Variants in CNTNAP2 observed in about 807,000 individuals in gnomAD.
The protein encoded by CNTNAP2 is contactin-associated protein-like 2.
CNTNAP2 carries 98 observed loss-of-function variants against 155.2 expected under a neutral mutation model. That is an observed-to-expected ratio of 0.63 (90% CI 0.54 to 0.75). CNTNAP2 has a LOEUF of 0.75. Ranked by LOEUF, CNTNAP2 falls within the 30% of genes least tolerant of loss-of-function variation. The pLI, the probability that CNTNAP2 is intolerant of heterozygous loss-of-function variation, is 0.00. For missense variants in CNTNAP2, 1,727 were observed against 1,688.1 expected, an observed-to-expected ratio of 1.02 and a Z score of -0.40; for synonymous variants, 651 against 631.2, an observed-to-expected ratio of 1.03 and a Z score of -0.47.
chr7:147,325,322 C>A (rs912672741), intron 9 of CNTNAP2, among the ~76,000 whole-genome samples: 1 of 152,000 alleles, frequency 6.6e-6, no homozygotes, highest in Admixed American at 6.6e-5. Context: ...ACAACAACAA[C>A]AAAAATTAGA....
chr7:148,310,435 C>G (rs910980825), intron 21 of CNTNAP2, among the ~76,000 whole-genome samples: 2 of 152,198 alleles, frequency 1.3e-5, no homozygotes, highest in African/African-American at 4.8e-5. Flanking sequence ...GTCTGTGATG[C>G]TAGCAGAGAA....
chr7:148,256,081 C>T (rs529500852), intron 20 of CNTNAP2, among the ~76,000 whole-genome samples: 3 of 152,176 alleles, frequency 2.0e-5, no homozygotes, highest in South Asian at 2.1e-4. Context: ...CCAAGTCTGC[C>T]GAGATGTTTT....
At chr7:146,660,372 A>G (rs1800066354) in intron 1 of CNTNAP2, among the ~76,000 whole-genome samples, 1 of 152,228 alleles carries the variant, frequency 6.6e-6, no homozygotes, top group Admixed American at 6.5e-5. Context: ...TGGGATAGCA[A>G]AGTCAGAAAG....
chr7:146,249,427 G>A (rs1392866492), intron 1 of CNTNAP2, among the ~76,000 whole-genome samples: 1 of 149,948 alleles, frequency 6.7e-6, no homozygotes, highest in Non-Finnish European at 1.5e-5. Flanking sequence ...TCCTGTAATA[G>A]TAGTCTCAGA....
intron 9 of CNTNAP2, among the ~76,000 whole-genome samples, chr7:147,369,389 A>G (rs826829): frequency 0.29 from 44,389 of 152,094 alleles, 7,181 homozygotes; most frequent in East Asian, 0.67. Context: ...CCATGAACAC[A>G]GTCACCAAAT....
chr7:147,555,309 C>T (rs374431394), intron 11 of CNTNAP2, among the ~76,000 whole-genome samples: 16 of 152,088 alleles, frequency 1.1e-4, no homozygotes, highest in African/African-American at 3.1e-4. Context: ...ACTATATCGC[C>T]GCTATGCCTA....
chr7:147,854,189 T>C (rs1798998295), intron 13 of CNTNAP2, among the ~76,000 whole-genome samples: 1 of 152,150 alleles, frequency 6.6e-6, no homozygotes, highest in Admixed American at 6.6e-5. Flanking sequence ...TGAGGGAAAG[T>C]TGACTATGGG....
chr7:147,615,576 ATAT>A (rs1801274555), intron 12 of CNTNAP2, among the ~76,000 whole-genome samples: 1 of 152,186 alleles, frequency 6.6e-6, no homozygotes, highest in African/African-American at 2.4e-5. Flanking sequence ...TAATTGACAA[ATAT>A]TATTGGCAAA....
intron 12 of CNTNAP2, among the ~76,000 whole-genome samples, chr7:147,602,564 G>A (rs1800971691): frequency 6.7e-6 from 1 of 150,236 alleles, no homozygotes. Context: ...ATGTATACAT[G>A]TGCCATGCTG....
chr7:147,725,298 C>G lies in CNTNAP2; in HGVS notation c.2098+85992C>G, dbSNP rs117110081. Reference sequence around the variant, plus strand: ...TAAAGCAATTGCACTAAAATTCAAGCCAAAGAAGCCATTAAGAACTGATCA... The same window carrying G: ...TAAAGCAATTGCACTAAAATTCAAGGCAAAGAAGCCATTAAGAACTGATCA... On this transcript the variant is annotated intron_variant, in intron 13 of 23. Coordinates refer to ENST00000361727, the MANE Select transcript of CNTNAP2 (RefSeq NM_014141.6). 1.7e-3 allele frequency among the ~76,000 whole-genome samples: 258 copies of G among 151,992 alleles called. 1 individual carries two copies. Among genetic ancestry groups the G allele is most frequent in the Non-Finnish European group, 2.9e-3 (195 of 67,946 alleles).
intron 22 of CNTNAP2, among the ~76,000 whole-genome samples, chr7:148,408,816 C>T (rs913849786): frequency 8.5e-5 from 13 of 152,088 alleles, no homozygotes; most frequent in Admixed American, 7.2e-4. Flanking sequence ...CTGATTCTTA[C>T]GTTTATAATA....
rs1784561976 is a variant in CNTNAP2 at position 147,679,342 on chromosome 7, TA to T, written c.2098+40039del. ...CTAAGGAAATAGTCTGCCAATCATC[TA>T]AATAACACTTGTATTTTGATTTTTA... On this transcript the variant is annotated intron_variant, in intron 13 of 23. Coordinates refer to ENST00000361727, the MANE Select transcript of CNTNAP2 (RefSeq NM_014141.6). Among the ~76,000 whole-genome samples, 4 of 152,108 alleles carry T rather than the reference TA, an allele frequency of 2.6e-5. No individual in the cohort carries two copies. In the South Asian group the frequency reaches 6.2e-4, roughly 24 times the overall value.
chr7:147,117,395 G>A (rs1364003675), intron 5 of CNTNAP2, among the ~76,000 whole-genome samples: 1 of 152,224 alleles, frequency 6.6e-6, no homozygotes, highest in African/African-American at 2.4e-5. Flanking sequence ...AGGGGTTGGG[G>A]GTTCCCTTGG....
Position 146,270,712 on chromosome 7 carries a change from G to A in CNTNAP2, c.97+153739G>A, listed in dbSNP as rs1360513274. On this transcript the variant is annotated intron_variant, in intron 1 of 23. Transcript: ENST00000361727. ...ACTTTAAGCCTTAGATTGTAAAATG[G>A]TCTCTTAAAAAAGCACATCAGCTCA... Among the ~76,000 whole-genome samples the A allele has an allele frequency of 1.3e-4, 20 of 151,934 alleles. No homozygotes were observed. In the East Asian group the frequency reaches 3.7e-3, roughly 28 times the overall value.
chr7:148,288,493 C>T (rs1369792918), intron 21 of CNTNAP2, among the ~76,000 whole-genome samples: 2 of 152,126 alleles, frequency 1.3e-5, no homozygotes, highest in African/African-American at 4.8e-5. Flanking sequence ...GCCCCACCTC[C>T]AAATACCATC....
At chr7:146,291,049 T>A (rs1218148467) in intron 1 of CNTNAP2, among the ~76,000 whole-genome samples, 1 of 152,206 alleles carries the variant, frequency 6.6e-6, no homozygotes, top group African/African-American at 2.4e-5. Flanking sequence ...TCTGCTTTTC[T>A]CCATTTCCTA....
intron 11 of CNTNAP2, among the ~76,000 whole-genome samples, chr7:147,524,088 ACT>A (rs1799274871): frequency 1.3e-5 from 2 of 152,094 alleles, no homozygotes; most frequent in Admixed American, 6.6e-5. Context: ...TTCGGGTCAG[ACT>A]CTCACACAAC....
chr7:148,320,376 C>CTTATT, intron 21 of CNTNAP2, among the ~76,000 whole-genome samples: 1 of 63,386 alleles, frequency 1.6e-5, no homozygotes, highest in Admixed American at 2.5e-4. Flanking sequence ...ATTTTTTTTT[C>CTTATT]TTTTTTTTTT....
intron 2 of CNTNAP2, among the ~76,000 whole-genome samples, chr7:146,792,613 TACC>T (rs1802694537): frequency 6.6e-6 from 1 of 152,184 alleles, no homozygotes; most frequent in African/African-American, 2.4e-5. Context: ...GCTAAGCACA[TACC>T]ACCACTAAAG....
Sources: allele counts gnomAD v4.1 joint callset (sites outside exome capture counted in the v4.1 genomes callset), GRCh38; gene constraint gnomAD v4.1.1; transcripts MANE v1.5; gene names NCBI Gene and HGNC (gene_info 2026-07-23, HGNC 2026-07-21).